Variants in KCNQ5 observed in about 807,000 individuals in gnomAD.
KCNQ5 encodes potassium voltage-gated channel subfamily KQT member 5.
Under a neutral mutation model 98.2 loss-of-function variants are expected in KCNQ5, and 30 were observed. The ratio of observed to expected loss-of-function variants is 0.31; its 90% CI spans 0.23 to 0.41. KCNQ5 has a LOEUF of 0.41. KCNQ5 is among the 10% of genes least tolerant of loss of function. The pLI is 1.00. For missense variants in KCNQ5, 835 were observed against 1,182.5 expected, an observed-to-expected ratio of 0.71 and a Z score of 4.31; for synonymous variants, 458 against 449.4, an observed-to-expected ratio of 1.02 and a Z score of -0.24.
intron 1 of KCNQ5, among the ~76,000 whole-genome samples, chr6:72,713,152 C>G (rs928250152): frequency 1.3e-5 from 2 of 152,166 alleles, no homozygotes; most frequent in African/African-American, 4.8e-5. Context: ...TCAGGTTACA[C>G]ATTTGAAATC....
At chr6:73,090,426 C>A (rs1267879665) in intron 5 of KCNQ5, among the ~76,000 whole-genome samples, 1 of 152,096 alleles carries the variant, frequency 6.6e-6, no homozygotes, top group Non-Finnish European at 1.5e-5. Context: ...TAAGTACCAG[C>A]AATTTATCTT....
chr6:73,069,860 A>C (rs766523707), intron 3 of KCNQ5, among the ~76,000 whole-genome samples: 2 of 152,202 alleles, frequency 1.3e-5, no homozygotes, highest in Non-Finnish European at 2.9e-5. Context: ...TCATCTTAAC[A>C]TTTTCATGTG....
chr6:73,126,611 C>T (rs1288503263), intron 9 of KCNQ5, among the ~76,000 whole-genome samples: 1 of 152,056 alleles, frequency 6.6e-6, no homozygotes, highest in African/African-American at 2.4e-5. Flanking sequence ...AGATAACTCA[C>T]CCATAGGTTT....
intron 3 of KCNQ5, among the ~76,000 whole-genome samples, chr6:73,065,806 G>GT (rs1223847287): frequency 1.3e-5 from 2 of 152,094 alleles, no homozygotes; most frequent in African/African-American, 4.8e-5. Flanking sequence ...CCTTCACTTC[G>GT]TTGGGTCATG....
intron 1 of KCNQ5, among the ~76,000 whole-genome samples, chr6:72,750,898 A>G (rs747841443): frequency 9.2e-5 from 14 of 152,044 alleles, no homozygotes; most frequent in Non-Finnish European, 1.9e-4. Flanking sequence ...TTCCTTTGAC[A>G]TACTTAATGA....
chr6:72,622,572 T>C lies in KCNQ5; in HGVS notation c.383T>C (p.Ile128Thr), dbSNP rs755133886. 2 of 1,612,554 alleles carry C rather than the reference T, an allele frequency of 1.2e-6. No individual in the cohort carries two copies. Among genetic ancestry groups the C allele is most frequent in the Non-Finnish European group, 1.7e-6 (2 of 1,179,528 alleles). ...VLERPRGWAF[I>T]YHAFVFLLVF... is the part of the protein sequence containing the mutation. ...GAGAGACCCCGCGGCTGGGCGTTCA[T>C]CTACCACGCTTTCGTGTGAGTACCC... The change falls in exon 1 of 14, where the codon ATC becomes ACC. Residue 128 changes from isoleucine (I) to threonine (T), a missense_variant. Physicochemically the swap from Ile to Thr is moderately conservative, Grantham distance 89. Transcript: ENST00000370398. This position sits in a 1 kb window ranked among gnomAD's most constrained non-coding sequence, Gnocchi z 6.0.
chr6:72,782,124 C>G (rs1773511191), intron 1 of KCNQ5, among the ~76,000 whole-genome samples: 2 of 152,128 alleles, frequency 1.3e-5, no homozygotes, highest in South Asian at 4.1e-4. Context: ...CACAAATGCT[C>G]CTGGGATTGG....
intron 3 of KCNQ5, among the ~76,000 whole-genome samples, chr6:73,066,617 T>C (rs925478044): frequency 1.3e-5 from 2 of 152,210 alleles, no homozygotes; most frequent in African/African-American, 4.8e-5. Flanking sequence ...ACAAAAAATG[T>C]ACCACTTAGA....
intron 1 of KCNQ5, among the ~76,000 whole-genome samples, chr6:72,830,888 GA>G (rs1329640678): frequency 5.3e-5 from 8 of 151,830 alleles, no homozygotes; most frequent in African/African-American, 1.9e-4. Context: ...AAATTTACAA[GA>G]AAAAAACAAC....
chr6:72,792,982 C>T (rs1328409662), intron 1 of KCNQ5, among the ~76,000 whole-genome samples: 1 of 152,044 alleles, frequency 6.6e-6, no homozygotes, highest in Non-Finnish European at 1.5e-5. Context: ...ATAGAATTAC[C>T]CACCTCCTGG....
At chr6:72,704,124 A>G (rs1341912692) in intron 1 of KCNQ5, among the ~76,000 whole-genome samples, 4 of 152,132 alleles carry the variant, frequency 2.6e-5, no homozygotes, top group African/African-American at 9.7e-5. Flanking sequence ...CTAGGGTTGA[A>G]CTTCAGACTT....
intron 1 of KCNQ5, among the ~76,000 whole-genome samples, chr6:72,900,406 AAT>A (rs952972518): frequency 2.1e-5 from 3 of 145,754 alleles, no homozygotes; most frequent in Admixed American, 6.9e-5. Context: ...TATATGATGA[AAT>A]ATATATATAT....
At chr6:73,078,248 C>T (rs1028602244) in intron 5 of KCNQ5, among the ~76,000 whole-genome samples, 16 of 151,740 alleles carry the variant, frequency 1.1e-4, no homozygotes, top group Non-Finnish European at 1.5e-4. Context: ...ATTGATTTTC[C>T]GCTCTTCAAA....
At chr6:72,829,550 T>A (rs767468482) in intron 1 of KCNQ5, among the ~76,000 whole-genome samples, 1 of 152,210 alleles carries the variant, frequency 6.6e-6, no homozygotes, top group South Asian at 2.1e-4. Flanking sequence ...ATATACTTAA[T>A]ATATTCTATG....
chr6:72,900,053 G>T (rs1779422854), intron 1 of KCNQ5, among the ~76,000 whole-genome samples: 1 of 152,024 alleles, frequency 6.6e-6, no homozygotes, highest in Non-Finnish European at 1.5e-5. Flanking sequence ...GGTCAAGCTG[G>T]TCTCGAACCC....
intron 1 of KCNQ5, among the ~76,000 whole-genome samples, chr6:72,685,848 T>C (rs1221917874): frequency 6.6e-6 from 1 of 152,230 alleles, no homozygotes; most frequent in Non-Finnish European, 1.5e-5. Context: ...AAAATACCAT[T>C]GCTGAGTGGC....
chr6:73,110,771 G>A (rs77537466), intron 6 of KCNQ5, among the ~76,000 whole-genome samples: 2,378 of 152,200 alleles, frequency 0.016, 73 homozygotes, highest in African/African-American at 0.055. Context: ...ATTTTATACA[G>A]TCCTCTCTCC....
chr6:72,986,138 G>A (rs1181503359), intron 1 of KCNQ5, among the ~76,000 whole-genome samples: 1 of 152,178 alleles, frequency 6.6e-6, no homozygotes, highest in African/African-American at 2.4e-5. Context: ...GCTGAGACAG[G>A]AGAATCGCTT....
At chr6:72,818,195 T>G (rs1208294235) in intron 1 of KCNQ5, among the ~76,000 whole-genome samples, 1 of 152,146 alleles carries the variant, frequency 6.6e-6, no homozygotes, top group Non-Finnish European at 1.5e-5. Context: ...AAACTTGTAT[T>G]AAATGTGAAG....
Sources: gnomAD v4.1 joint callset for allele counts (sites outside exome capture counted in the v4.1 genomes callset) on GRCh38, gnomAD v4.1.1 for gene constraint, Gnocchi (gnomAD v3.1) non-coding constraint, MANE v1.5 for transcripts, NCBI Gene and HGNC (gene_info 2026-07-23, HGNC 2026-07-21) for gene names.